Variants in BICDL1 observed in about 807,000 individuals in gnomAD.
BICDL1 encodes BICD family-like cargo adapter 1.
Under a neutral mutation model 76.8 loss-of-function variants are expected in BICDL1, and 20 were observed. The ratio of observed to expected loss-of-function variants is 0.26; its 90% CI spans 0.18 to 0.38. The LOEUF (loss-of-function observed/expected upper bound fraction) is 0.38. Among genes scored for constraint, BICDL1 ranks in the 10% least tolerant of loss-of-function variants. BICDL1 has a pLI of 1.00. For synonymous variants in BICDL1, 383 were observed against 337.1 expected (o/e 1.14, Z -1.49); for missense variants, 700 against 798.6 (o/e 0.88, Z 1.49).
chr12:120,013,146 A>G (rs1250450582), intron 2 of BICDL1, among the ~76,000 whole-genome samples: 1 of 152,064 alleles, frequency 6.6e-6, no homozygotes, highest in Non-Finnish European at 1.5e-5. Flanking sequence ...CCCCGTCTCT[A>G]CTAAAAATAC....
intron 2 of BICDL1, among the ~76,000 whole-genome samples, chr12:120,050,315 G>A (rs1952830713): frequency 6.7e-6 from 1 of 148,962 alleles, no homozygotes; most frequent in South Asian, 2.1e-4. Flanking sequence ...CGCCCAGGCT[G>A]GAGTGCAGTG....
chr12:120,041,617 T>C (rs1452067062), intron 2 of BICDL1, among the ~76,000 whole-genome samples: 1 of 151,996 alleles, frequency 6.6e-6, no homozygotes, highest in East Asian at 1.9e-4. Flanking sequence ...AGGAAAGGAA[T>C]GGAGGGCGGC....
At chr12:120,085,799 C>CAA (rs35399078) in intron 8 of BICDL1, among the ~76,000 whole-genome samples, 1,481 of 69,636 alleles carry the variant, frequency 0.021, 14 homozygotes, top group South Asian at 0.05. Context: ...GATCCTGCCT[C>CAA]AAAAAAAAAA....
intron 1 of BICDL1, among the ~76,000 whole-genome samples, chr12:119,994,910 C>T (rs1951607740): frequency 6.6e-6 from 1 of 152,180 alleles, no homozygotes; most frequent in Non-Finnish European, 1.5e-5. Context: ...TATGGTACAT[C>T]CGCCATAATT....
At chr12:120,041,475 T>C (rs1270104216) in intron 2 of BICDL1, among the ~76,000 whole-genome samples, 1 of 152,144 alleles carries the variant, frequency 6.6e-6, no homozygotes, top group Non-Finnish European at 1.5e-5. Flanking sequence ...TTCCGAGTAC[T>C]GGGGTTGTGG....
chr12:120,050,225 TC>T (rs1952827304), intron 2 of BICDL1, among the ~76,000 whole-genome samples: 1 of 152,060 alleles, frequency 6.6e-6, no homozygotes, highest in South Asian at 2.1e-4. Flanking sequence ...AAACATTTTC[TC>T]CCAGTCTGAG....
intron 8 of BICDL1, among the ~76,000 whole-genome samples, chr12:120,083,623 A>G (rs1252407081): frequency 6.7e-6 from 1 of 149,318 alleles, no homozygotes; most frequent in Non-Finnish European, 1.5e-5. Flanking sequence ...CAAAATATTA[A>G]TAGTAGTATT....
intron 2 of BICDL1, among the ~76,000 whole-genome samples, chr12:120,003,240 C>T (rs538920111): frequency 6.6e-6 from 1 of 151,372 alleles, no homozygotes; most frequent in African/African-American, 2.4e-5. Context: ...GGGTGAGGAG[C>T]CAGCTGTGGA....
Position 119,990,018 on chromosome 12 carries a change from G to C in BICDL1, c.150G>C (p.Gly50=). The change falls in exon 1 of 10, where the codon GGG becomes GGC. Residue 50 remains glycine, a synonymous_variant. Coordinates refer to ENST00000548673, the MANE Select transcript of BICDL1 (RefSeq NM_001367886.1). ...CCCTCATCTTCCCCGGGGGCTCCGGGGAGCTAGAACTGGCGTTAGAGGAGG... is the reference window on the plus strand; with the variant it reads ...CCCTCATCTTCCCCGGGGGCTCCGGCGAGCTAGAACTGGCGTTAGAGGAGG... The part of the protein sequence containing the change: ...AAALIFPGGS[G]ELELALEEEL... 6.7e-7 allele frequency: 1 copy of C among 1,498,284 alleles called. No individual in the cohort carries two copies. Among genetic ancestry groups the C allele is most frequent in the Non-Finnish European group, 8.8e-7 (1 of 1,134,762 alleles). 92.8% of individuals were successfully genotyped at this position (1,498,284 alleles called of 1,614,324 possible). A position where few individuals can be genotyped will look rare whatever the true frequency, so the allele number is the denominator to read the frequency against.
intron 2 of BICDL1, among the ~76,000 whole-genome samples, chr12:120,026,902 C>G (rs1594134442): frequency 6.6e-6 from 1 of 152,202 alleles, no homozygotes; most frequent in Middle Eastern, 3.4e-3. Context: ...CCCGCACATC[C>G]AACTGAATTG....
intron 8 of BICDL1, among the ~76,000 whole-genome samples, chr12:120,087,494 G>A (rs559435104): frequency 1.3e-5 from 2 of 152,358 alleles, no homozygotes; most frequent in Non-Finnish European, 2.9e-5. Context: ...CGGTTAGTGC[G>A]GTCGGTGTTG....
chr12:120,025,718 T>C (rs76240220), intron 2 of BICDL1, among the ~76,000 whole-genome samples: 3,536 of 152,346 alleles, frequency 0.023, 146 homozygotes, highest in African/African-American at 0.081. Context: ...GTAGTATAGT[T>C]GGAATTTTAA....
intron 2 of BICDL1, among the ~76,000 whole-genome samples, chr12:120,052,048 C>G (rs182247758): frequency 6.6e-6 from 1 of 152,064 alleles, no homozygotes; most frequent in Non-Finnish European, 1.5e-5. Context: ...TCATGTGATT[C>G]TCCTGCCTCA....
At chr12:120,077,827 CT>C (rs1176822395) in intron 7 of BICDL1, among the ~76,000 whole-genome samples, 1 of 130,128 alleles carries the variant, frequency 7.7e-6, no homozygotes, top group African/African-American at 2.8e-5. Context: ...TTGGATTGAT[CT>C]TCCTGAAGCG....
intron 2 of BICDL1, among the ~76,000 whole-genome samples, chr12:120,049,133 G>A (rs1019279681): frequency 6.6e-6 from 1 of 152,208 alleles, no homozygotes; most frequent in Non-Finnish European, 1.5e-5. Context: ...TGCCTGGGGT[G>A]CTCTGAGAAC....
chr12:120,048,292 A>C (rs1199595514), intron 2 of BICDL1, among the ~76,000 whole-genome samples: 3 of 151,496 alleles, frequency 2.0e-5, no homozygotes, highest in Non-Finnish European at 4.4e-5. Context: ...CTTAGGCTTT[A>C]TTTCTCCTGA....
intron 8 of BICDL1, among the ~76,000 whole-genome samples, chr12:120,086,925 C>T (rs993411745): frequency 2.6e-5 from 4 of 152,240 alleles, no homozygotes; most frequent in Admixed American, 1.3e-4. Context: ...CCAGGCAGCC[C>T]CTGCCTCAGG....
chr12:120,007,002 G>A (rs1951862572), intron 2 of BICDL1, among the ~76,000 whole-genome samples: 1 of 152,162 alleles, frequency 6.6e-6, no homozygotes, highest in Non-Finnish European at 1.5e-5. Context: ...TGTTGAAACG[G>A]GTTAGGTTGG....
In BICDL1 at chr12:120,074,371, A is replaced by G. The variant is rs78718500; in HGVS notation, c.1309-72A>G. ...CCTCTCCTTCTCTCCCCGACTAACC[A>G]TCTCTCTCCCCCTTCCCTATCTCTC... On this transcript the variant is annotated intron_variant, in intron 6 of 9. Coordinates refer to ENST00000548673, the MANE Select transcript of BICDL1 (RefSeq NM_001367886.1). 1,797 of 972,444 alleles carry G rather than the reference A, an allele frequency of 1.8e-3. 29 individuals carry two copies. The African/African-American group carries it at 0.03, about 16-fold the overall frequency. 60.2% of individuals were successfully genotyped at this position (972,444 alleles called of 1,614,324 possible).
Sources: allele counts gnomAD v4.1 joint callset (sites outside exome capture counted in the v4.1 genomes callset), GRCh38; gene constraint gnomAD v4.1.1; transcripts MANE v1.5; gene names NCBI Gene and HGNC (gene_info 2026-07-23, HGNC 2026-07-21).